The following GRID2 variants were observed in gnomAD, a reference collection of about 807,000 sequenced individuals.
GRID2 encodes glutamate ionotropic receptor delta type subunit 2.
In GRID2, 33 loss-of-function variants were observed where a neutral mutation model predicts 114.8. The observed-to-expected ratio is 0.29, with a 90% CI of 0.22 to 0.38. The LOEUF is 0.38. GRID2 is among the 10% of genes least tolerant of loss of function. The pLI, the probability that GRID2 is intolerant of heterozygous loss-of-function variation, is 1.00. For missense variants in GRID2, 1,184 were observed against 1,257.7 expected (o/e 0.94, Z 0.89); for synonymous variants, 505 against 449.9 (o/e 1.12, Z -1.55).
chr4:92,794,816 G>A (rs534039116), intron 2 of GRID2, among the ~76,000 whole-genome samples: 12 of 145,418 alleles, frequency 8.3e-5, no homozygotes, highest in South Asian at 4.3e-4. Flanking sequence ...ACTATCAACC[G>A]GCTACTGTTG....
chr4:93,578,587 A>ATTTTTTTTTTTTTTTTT (rs59397408), intron 13 of GRID2, among the ~76,000 whole-genome samples: 21 of 83,928 alleles, frequency 2.5e-4, no homozygotes, highest in African/African-American at 8.8e-4. Flanking sequence ...TGTTTTTTGT[A>ATTTTTTTTTTTTTTTTT]TTTTTTTTTT....
chr4:93,041,891 T>C (rs1355594402), intron 2 of GRID2, among the ~76,000 whole-genome samples: 1 of 151,964 alleles, frequency 6.6e-6, no homozygotes, highest in African/African-American at 2.4e-5. Context: ...CATATATATT[T>C]TGTTGTTGTT....
At chr4:93,793,356 GTAAT>G (rs774175592) in intron 1 of GRID2, among the ~76,000 whole-genome samples, 3 of 152,166 alleles carry the variant, frequency 2.0e-5, no homozygotes, top group Non-Finnish European at 4.4e-5. Flanking sequence ...CACACTCAGA[GTAAT>G]TAGATTCTGA....
intron 6 of GRID2, among the ~76,000 whole-genome samples, chr4:93,221,126 T>C (rs148941229): frequency 2.8e-4 from 43 of 152,298 alleles, no homozygotes; most frequent in African/African-American, 1.0e-3. Flanking sequence ...AATCGTGGTC[T>C]CTATGTCAGA....
chr4:93,377,156 T>A (rs1763456070), intron 8 of GRID2, among the ~76,000 whole-genome samples: 2 of 152,180 alleles, frequency 1.3e-5, no homozygotes, highest in African/African-American at 4.8e-5. Context: ...AGTAGGCGCA[T>A]AAATAAATAA....
At chr4:93,777,807 A>C (rs1734395873), downstream of GRID2, among the ~76,000 whole-genome samples, 2 of 152,218 alleles carry the variant, frequency 1.3e-5, no homozygotes, top group South Asian at 4.1e-4. Context: ...GCTTTTAATA[A>C]ATATTTTGCC....
intron 2 of GRID2, among the ~76,000 whole-genome samples, chr4:92,816,436 G>A (rs1032442240): frequency 2.0e-5 from 3 of 148,398 alleles, no homozygotes; most frequent in Non-Finnish European, 4.4e-5. Context: ...CCTTATTATT[G>A]CTCATACATT....
intron 13 of GRID2, among the ~76,000 whole-genome samples, chr4:93,548,561 A>G (rs1414731176): frequency 6.6e-6 from 1 of 152,224 alleles, no homozygotes; most frequent in African/African-American, 2.4e-5. Flanking sequence ...ATTTTGAGCT[A>G]CTTGAGAACA....
intron 14 of GRID2, among the ~76,000 whole-genome samples, chr4:93,765,906 G>A (rs1733627713): frequency 6.6e-6 from 1 of 152,052 alleles, no homozygotes; most frequent in South Asian, 2.1e-4. Flanking sequence ...CCAAGGAAAT[G>A]TCTGGAATGA....
Position 92,678,196 on chromosome 4 carries a change from C to T in GRID2, c.244+87910C>T, listed in dbSNP as rs147992460. ...TTTTTATTGCGATTTCCTCCCCCTGCGTATCTATCAGCCTTCTCTGCTGTA... is the reference window on the plus strand; with the variant it reads ...TTTTTATTGCGATTTCCTCCCCCTGTGTATCTATCAGCCTTCTCTGCTGTA... On this transcript the variant is annotated intron_variant, in intron 2 of 15. Coordinates refer to ENST00000282020, the MANE Select transcript of GRID2 (RefSeq NM_001510.4). 4.8e-3 allele frequency among the ~76,000 whole-genome samples: 735 copies of T among 152,176 alleles called. 9 individuals carry two copies. Among genetic ancestry groups the T allele is most frequent in the African/African-American group, 0.015 (637 of 41,536 alleles).
intron 1 of GRID2, among the ~76,000 whole-genome samples, chr4:92,367,092 T>C (rs2110211407): frequency 6.6e-6 from 1 of 152,214 alleles, no homozygotes; most frequent in East Asian, 1.9e-4. Context: ...TGAGTTTGTC[T>C]GTTATTTCCT....
intron 3 of GRID2, among the ~76,000 whole-genome samples, chr4:93,089,075 A>G (rs1398736469): frequency 6.6e-6 from 1 of 152,086 alleles, no homozygotes; most frequent in East Asian, 1.9e-4. Flanking sequence ...TATTTTTACA[A>G]ATGAAAAAGC....
chr4:93,247,547 A>T (rs1314299954), intron 8 of GRID2, among the ~76,000 whole-genome samples: 1 of 151,944 alleles, frequency 6.6e-6, no homozygotes, highest in Non-Finnish European at 1.5e-5. Flanking sequence ...TCAGCCCCCC[A>T]GTTCTCGGGC....
At chr4:93,701,213 C>T (rs1054476749) in intron 14 of GRID2, among the ~76,000 whole-genome samples, 3 of 151,264 alleles carry the variant, frequency 2.0e-5, no homozygotes, top group Non-Finnish European at 4.4e-5. Flanking sequence ...TTCCATCTTA[C>T]AGGAAAATTG....
At chr4:92,444,322 G>T (rs1442936428) in intron 1 of GRID2, among the ~76,000 whole-genome samples, 1 of 152,072 alleles carries the variant, frequency 6.6e-6, no homozygotes, top group Non-Finnish European at 1.5e-5. Flanking sequence ...GGGAGATAAG[G>T]GTGGGGCCGT....
chr4:92,493,684 A>G (rs897599400), intron 1 of GRID2, among the ~76,000 whole-genome samples: 1 of 152,192 alleles, frequency 6.6e-6, no homozygotes, highest in African/African-American at 2.4e-5. Context: ...CGTTGGCCTT[A>G]GGATAAAGCG....
At chr4:93,150,680 C>T (rs1172814693) in intron 4 of GRID2, among the ~76,000 whole-genome samples, 2 of 151,810 alleles carry the variant, frequency 1.3e-5, no homozygotes, top group Non-Finnish European at 2.9e-5. Flanking sequence ...TCTGTGTCCT[C>T]TCTGAAATTT....
At chr4:93,354,227 G>C (rs1050361238) in intron 8 of GRID2, among the ~76,000 whole-genome samples, 1 of 151,822 alleles carries the variant, frequency 6.6e-6, no homozygotes, top group Non-Finnish European at 1.5e-5. Flanking sequence ...GAGGTTCTTT[G>C]GCATAACTTG....
chr4:92,934,056 G>C (rs769019125), intron 2 of GRID2, among the ~76,000 whole-genome samples: 1 of 151,712 alleles, frequency 6.6e-6, no homozygotes, highest in East Asian at 1.9e-4. Flanking sequence ...TAAAGAATGA[G>C]TAGATTGTAA....
Sources: gnomAD v4.1 joint callset for allele counts (sites outside exome capture counted in the v4.1 genomes callset) on GRCh38, gnomAD v4.1.1 for gene constraint, MANE v1.5 for transcripts, NCBI Gene and HGNC (gene_info 2026-07-23, HGNC 2026-07-21) for gene names.